Variants in LRRK2 observed in about 807,000 individuals in gnomAD.
The protein encoded by LRRK2 is leucine rich repeat kinase 2.
Under a neutral mutation model 302.6 loss-of-function variants are expected in LRRK2, and 203 were observed. The observed-to-expected ratio is 0.67, with a 90% CI of 0.60 to 0.75. The LOEUF (loss-of-function observed/expected upper bound fraction) is 0.75, where lower values mean the gene tolerates loss of function less well. LRRK2 is among the 30% of genes least tolerant of loss of function. LRRK2 has a pLI of 0.00. For missense variants in LRRK2, 2,830 were observed against 2,951.0 expected, an observed-to-expected ratio of 0.96 and a Z score of 0.95; for synonymous variants, 1,066 against 1,031.9, an observed-to-expected ratio of 1.03 and a Z score of -0.63.
chr12:40,309,348 T>G lies in LRRK2; in HGVS notation c.4317+115T>G, dbSNP rs952581948. On this transcript the variant is annotated intron_variant, in intron 30 of 50. Coordinates refer to ENST00000298910, the MANE Select transcript of LRRK2 (RefSeq NM_198578.4). ...AAACAATTGCTTCAGTCTCTTTAAA[T>G]ACTTTCTTAAAAGAAGCACTAAAAT... 7 of 1,336,884 alleles carry G rather than the reference T, an allele frequency of 5.2e-6. No homozygotes were observed. In the African/African-American group the frequency reaches 1.0e-4, roughly 20 times the overall value. 82.8% of individuals were successfully genotyped at this position (1,336,884 alleles called of 1,614,324 possible). A position where few individuals can be genotyped will look rare whatever the true frequency, so the allele number is the denominator to read the frequency against.
intron 11 of LRRK2, among the ~76,000 whole-genome samples, chr12:40,256,750 C>A (rs1942530925): frequency 6.6e-6 from 1 of 152,196 alleles, no homozygotes; most frequent in African/African-American, 2.4e-5. Context: ...CCCCACACTC[C>A]CAAAAAGCTG....
chr12:40,353,073 C>T (rs1184956248), intron 44 of LRRK2, among the ~76,000 whole-genome samples: 16 of 150,414 alleles, frequency 1.1e-4, no homozygotes, highest in African/African-American at 3.2e-4. Context: ...GACGGGGCGG[C>T]GGCCGGGCGG....
In LRRK2 at chr12:40,293,894, C is replaced by CATATATATATATATATATATATATAT. The variant is rs1491426750; in HGVS notation, c.2808+232_2808+233insTATATATATATATATATATATATATA. Among the ~76,000 whole-genome samples the CATATATATATATATATATATATATAT allele has an allele frequency of 7.3e-3, 513 of 70,364 alleles. 14 individuals carry two copies. Among genetic ancestry groups the CATATATATATATATATATATATATAT allele is most frequent in the Non-Finnish European group, 0.012 (345 of 29,006 alleles). The allele number at this position is 70,364 out of a possible 152,430, so 46.2% of individuals were successfully genotyped here. On this transcript the variant is annotated intron_variant, in intron 21 of 50. Transcript: ENST00000298910. The stretch of plus-strand genomic sequence containing the variant: ...TATGCAGGGTATGAATTTTTTGGGG[C>CATATATATATATATATATATATATAT]ACATATATATATATATATATACTTA...
chr12:40,327,715 G>T (rs920305021), intron 38 of LRRK2, among the ~76,000 whole-genome samples: 32 of 152,050 alleles, frequency 2.1e-4, no homozygotes, highest in African/African-American at 7.3e-4. Flanking sequence ...AACTCAGAAG[G>T]CCTCCTGGGA....
chr12:40,306,791 A>G (rs1426653447), intron 28 of LRRK2, among the ~76,000 whole-genome samples: 1 of 152,150 alleles, frequency 6.6e-6, no homozygotes, highest in East Asian at 1.9e-4. Flanking sequence ...TCTGCCTAAA[A>G]TCTCTTAAAT....
At chr12:40,346,187 CTT>C (rs10715758) in intron 41 of LRRK2, among the ~76,000 whole-genome samples, 11 of 150,844 alleles carry the variant, frequency 7.3e-5, no homozygotes, top group Non-Finnish European at 8.9e-5. Context: ...AGAGAGAAGG[CTT>C]TTTTTTTTGT....
At chr12:40,296,910 C>G (rs1944406728) in intron 23 of LRRK2, among the ~76,000 whole-genome samples, 1 of 152,106 alleles carries the variant, frequency 6.6e-6, no homozygotes, top group South Asian at 2.1e-4. Flanking sequence ...TTAACTGTCA[C>G]TTCATCACTC....
intron 25 of LRRK2, chr12:40,300,992 T>C: frequency 2.1e-6 from 1 of 469,126 alleles, no homozygotes; most frequent in South Asian, 1.5e-5. Context: ...CTAATGGTCA[T>C]ACCTAGGACA....
In LRRK2 at chr12:40,354,303, TTGC is replaced by T. The variant is rs773490625; in HGVS notation, c.6584_6586del (p.Ala2195del). 2.8e-5 allele frequency: 45 copies of T among 1,613,862 alleles called. No homozygotes were observed. Among genetic ancestry groups the T allele is most frequent in the Non-Finnish European group, 2.5e-5 (29 of 1,179,852 alleles). ...TATATTTTCTTTTCTTAACAGGAAG[TTGC>T]TGATAGTAGAATATTGTGCTTAGCC... On this transcript the variant is annotated inframe_deletion, in exon 45 of 51. Coordinates refer to ENST00000298910, the MANE Select transcript of LRRK2 (RefSeq NM_198578.4).
In LRRK2 at chr12:40,352,469, C is replaced by CTTTTTTTTTTTTTTTTT. The variant is rs1307806388; in HGVS notation, c.6576+746_6576+747insTTTTTTTTTTTTTTTTT. On this transcript the variant is annotated intron_variant, in intron 44 of 50. Transcript: ENST00000298910. ...AACATTAGTTCTGAGGTTAAACAAT[C>CTTTTTTTTTTTTTTTTT]TTTTTTTTTTAATTGATCATTCTTG... 1.4e-4 allele frequency among the ~76,000 whole-genome samples: 15 copies of CTTTTTTTTTTTTTTTTT among 104,556 alleles called. 2 individuals carry two copies. The highest frequency in any genetic ancestry group is 2.3e-4 in the African/African-American group (7 of 30,962). The allele number at this position is 104,556 out of a possible 152,430, so 68.6% of individuals were successfully genotyped here.
rs761514485 is a variant in LRRK2 at position 40,232,370 on chromosome 12, C to T, written c.334C>T (p.Leu112Phe). 3.1e-6 allele frequency: 5 copies of T among 1,612,812 alleles called. No homozygotes were observed. The Admixed American group carries it at 5.0e-5, about 16-fold the overall frequency. ...PQDVGNDWEVLGVHQLILKML... is the reference protein window; with the variant it reads ...PQDVGNDWEVFGVHQLILKML... ...GGATGTTGGAAATGATTGGGAAGTC[C>T]TTGGTGTTCACCAGTAAGTATGATA... Residue 112 changes from leucine (L) to phenylalanine (F), a missense_variant, in exon 3 of 51, where the codon CTT becomes TTT. Around this residue, in one of 3 missense-constraint regions of LRRK2, gnomAD observed 2,121 missense variants for 2,148.0 expected, o/e 0.99. Transcript: ENST00000298910.
chr12:40,293,117 A>C (rs1254911222), intron 20 of LRRK2, among the ~76,000 whole-genome samples: 1 of 152,102 alleles, frequency 6.6e-6, no homozygotes, highest in Non-Finnish European at 1.5e-5. Context: ...CCATAAAAAA[A>C]ATTCAGAGAA....
In LRRK2 at chr12:40,364,869, A is replaced by C. The variant is rs199545224; in HGVS notation, c.7209A>C (p.Glu2403Asp). Residue 2403 changes from glutamate (E) to aspartate (D), a missense_variant, in exon 49 of 51, where the codon GAA (glutamate) becomes GAC (aspartate). By Grantham distance (45) the Glu-to-Asp change is conservative. Transcript: ENST00000298910. Reference protein sequence around the residue: ...LREVMVKENKESKHKMSYSGR... With the variant: ...LREVMVKENKDSKHKMSYSGR... ...AGGTAATGGTAAAAGAAAACAAGGA[A>C]TCAAAACACAAAATGTCTTATTCTG... 4.3e-6 allele frequency: 7 copies of C among 1,612,186 alleles called. No homozygotes were observed. The highest frequency in any genetic ancestry group is 5.1e-6 in the Non-Finnish European group (6 of 1,178,832).
In LRRK2 at chr12:40,353,159, G is replaced by A. The variant is rs866071764; in HGVS notation, c.6577-1140G>A. 7.9e-4 allele frequency among the ~76,000 whole-genome samples: 119 copies of A among 150,886 alleles called. 2 individuals are homozygous for A. Among genetic ancestry groups the A allele is most frequent in the African/African-American group, 2.5e-3 (103 of 41,046 alleles). On this transcript the variant is annotated intron_variant, in intron 44 of 50. Coordinates refer to ENST00000298910, the MANE Select transcript of LRRK2 (RefSeq NM_198578.4). Reference sequence around the variant, plus strand: ...TCACTTCCCAGACGGGGCGGCTGCTGGGCGGAGGGGCTCCTCACTTCTCCG... The same window carrying A: ...TCACTTCCCAGACGGGGCGGCTGCTAGGCGGAGGGGCTCCTCACTTCTCCG...
intron 41 of LRRK2, among the ~76,000 whole-genome samples, chr12:40,344,261 A>G (rs917473581): frequency 6.6e-6 from 1 of 152,208 alleles, no homozygotes; most frequent in Non-Finnish European, 1.5e-5. Flanking sequence ...CCAAATTCTA[A>G]CAGTACATTT....
At chr12:40,263,730 T>C in intron 13 of LRRK2, 59 bp from the exon 14 acceptor site, 1 of 1,189,904 alleles carries the variant, frequency 8.4e-7, no homozygotes, top group Non-Finnish European at 1.2e-6. Context: ...AGTAACAGTC[T>C]GTTCAACTCA....
intron 20 of LRRK2, 65 bp downstream of exon 20, chr12:40,287,604 C>A: frequency 6.6e-7 from 1 of 1,513,564 alleles, no homozygotes; most frequent in African/African-American, 1.4e-5. Flanking sequence ...ACAATAGGAC[C>A]CAAGACAAAA....
intron 47 of LRRK2, among the ~76,000 whole-genome samples, chr12:40,361,158 T>G (rs1057247471): frequency 1.3e-5 from 2 of 151,978 alleles, no homozygotes; most frequent in Admixed American, 1.3e-4. Flanking sequence ...TCTCAAGTGA[T>G]TCTAAAGTAT....
At chr12:40,254,835 C>T (rs1592168397) in intron 11 of LRRK2, among the ~76,000 whole-genome samples, 1 of 152,048 alleles carries the variant, frequency 6.6e-6, no homozygotes, top group African/African-American at 2.4e-5. Context: ...TCCTCAGATC[C>T]TTTTGTATTG....
Sources: gnomAD v4.1 joint callset for allele counts (sites outside exome capture counted in the v4.1 genomes callset) on GRCh38, gnomAD v4.1.1 for gene constraint, gnomAD v4.1.1 regional missense constraint, MANE v1.5 for transcripts, NCBI Gene and HGNC (gene_info 2026-07-23, HGNC 2026-07-21) for gene names.